The following ZBTB1 variants were observed in gnomAD, a reference collection of about 807,000 sequenced individuals.
ZBTB1 encodes zinc finger and BTB domain-containing protein 1.
In ZBTB1, 13 loss-of-function variants were observed where a neutral mutation model predicts 51.6. The ratio of observed to expected loss-of-function variants is 0.25; its 90% confidence interval spans 0.16 to 0.40. ZBTB1 has a LOEUF of 0.40. ZBTB1 is among the 10% of genes least tolerant of loss of function. The pLI is 1.00. For synonymous variants in ZBTB1, 240 were observed against 282.2 expected, an observed-to-expected ratio of 0.85 and a Z score of 1.50; for missense variants, 567 against 856.5, an observed-to-expected ratio of 0.66 and a Z score of 4.22.
Position 64,524,675 on chromosome 14 carries a change from C to CA in ZBTB1, c.*1036dup. On this transcript the variant is annotated 3_prime_UTR_variant, in exon 2 of 2. Coordinates refer to ENST00000683701, the MANE Select transcript of ZBTB1 (RefSeq NM_001123329.2). ...GGTTGTTCTATAAAAGTAGAGTGCA[C>CA]AAAAAAATGTCTTGTGTTTTATACT... is the stretch of plus-strand genomic sequence containing the variant. 3 of 984,644 alleles carry CA rather than the reference C, an allele frequency of 3.0e-6. No individual in the cohort carries two copies. Among genetic ancestry groups the CA allele is most frequent in the Non-Finnish European group, 3.6e-6 (3 of 829,516 alleles). The allele number at this position is 984,644 out of a possible 1,614,324, so 61.0% of individuals were successfully genotyped here.
At chr14:64,533,228 A>C (rs1476084910) in exon 3 of ZBTB1, 1 of 152,148 alleles carries the variant, frequency 6.6e-6, no homozygotes, top group African/African-American at 2.4e-5. Context: ...AAACCCACTG[A>C]AGGGTTCAAA....
chr14:64,515,681 C>T (rs571972196), intron 1 of ZBTB1, among the ~76,000 whole-genome samples: 121 of 152,160 alleles, frequency 8.0e-4, no homozygotes, highest in African/African-American at 2.8e-3. Flanking sequence ...CCACCACGCC[C>T]GGCTAATTTT....
At chr14:64,504,723 C>T (rs1361217604), upstream of ZBTB1, 3 of 372,916 alleles carry the variant, frequency 8.0e-6, no homozygotes, top group Non-Finnish European at 1.4e-5. Context: ...GCGGGGCCGG[C>T]TCAGTGCGGT....
chr14:64,523,164 T>A lies in ZBTB1; in HGVS notation c.1660T>A (p.Ser554Thr). The change falls in exon 2 of 2, where the codon TCT becomes ACT. Residue 554 changes from serine (S) to threonine (T), a missense_variant. Coordinates refer to ENST00000683701, the MANE Select transcript of ZBTB1 (RefSeq NM_001123329.2). The surrounding 1 kb of genome is among the most constrained non-coding windows in gnomAD (Gnocchi z 4.5). ...ETENLVVEHM[S>T]SCLDQDMFKS... is the part of the protein sequence containing the mutation. ...TGAAAATCTAGTGGTTGAACATATG[T>A]CTAGCTGCTTAGATCAAGATATGTT... 1 of 1,614,204 alleles carries A rather than the reference T, an allele frequency of 6.2e-7. No homozygotes were observed.
intron 1 of ZBTB1, among the ~76,000 whole-genome samples, chr14:64,508,492 T>G (rs560568509): frequency 6.6e-6 from 1 of 152,178 alleles, no homozygotes; most frequent in African/African-American, 2.4e-5. Context: ...CTAGGAGGCT[T>G]AGAATGTTCC....
At chr14:64,515,205 A>G (rs999387007) in intron 1 of ZBTB1, among the ~76,000 whole-genome samples, 1 of 152,176 alleles carries the variant, frequency 6.6e-6, no homozygotes, top group African/African-American at 2.4e-5. Context: ...TCCAAATGAC[A>G]TTAAGTCCTT....
chr14:64,529,338 A>G (rs181721258), downstream of ZBTB1, among the ~76,000 whole-genome samples: 13 of 152,228 alleles, frequency 8.5e-5, no homozygotes, highest in Admixed American at 8.5e-4. Flanking sequence ...TCTCCCGCCA[A>G]TCTCCATTTC....
intron 1 of ZBTB1, among the ~76,000 whole-genome samples, chr14:64,512,341 T>C (rs554299210): frequency 5.4e-4 from 83 of 152,360 alleles, no homozygotes; most frequent in Non-Finnish European, 1.1e-3. Context: ...GTGTCAACTA[T>C]GTGGGAAGAG....
chr14:64,515,960 C>T (rs1417610173), intron 1 of ZBTB1, among the ~76,000 whole-genome samples: 1 of 152,132 alleles, frequency 6.6e-6, no homozygotes, highest in Non-Finnish European at 1.5e-5. Context: ...GGGCTAGGCA[C>T]AGTGGTTTAT....
At position 64,522,918 on chromosome 14, in the gene ZBTB1, G is replaced by A. The variant is rs1438266324; in HGVS notation, c.1414G>A (p.Glu472Lys). 5 of 1,614,168 alleles carry A rather than the reference G, an allele frequency of 3.1e-6. No homozygotes were observed. Among genetic ancestry groups the A allele is most frequent in the Non-Finnish European group, 4.2e-6 (5 of 1,180,026 alleles). Residue 472 changes from glutamate (E) to lysine (K), a missense_variant, in exon 2 of 2, where the codon GAG (glutamate) becomes AAG (lysine). Physicochemically the swap from Glu to Lys is moderately conservative, Grantham distance 56. This residue lies in a region of ZBTB1 where 329 missense variants were observed against 406.3 expected (regional missense o/e 0.81). Transcript: ENST00000683701. ...QLQEHAQRCGEPQDLTMNGLG... is the reference protein window; with the variant it reads ...QLQEHAQRCGKPQDLTMNGLG... Reference sequence around the variant, plus strand: ...TCAGGAACATGCTCAACGATGTGGCGAGCCCCAAGATCTGACCATGAATGG... The same window carrying A: ...TCAGGAACATGCTCAACGATGTGGCAAGCCCCAAGATCTGACCATGAATGG...
chr14:64,525,847 G>A (rs958651734), downstream of ZBTB1, among the ~76,000 whole-genome samples: 3 of 151,958 alleles, frequency 2.0e-5, no homozygotes, highest in Non-Finnish European at 2.9e-5. Context: ...TTTTGAGACG[G>A]AGTCTTACTC....
At chr14:64,504,669 G>A, upstream of ZBTB1, 1 of 353,426 alleles carries the variant, frequency 2.8e-6, no homozygotes, top group Non-Finnish European at 5.1e-6. Flanking sequence ...AAGGCTGGCG[G>A]ACGCCGCAGC....
At chr14:64,515,328 CA>C (rs2079769104) in intron 1 of ZBTB1, among the ~76,000 whole-genome samples, 1 of 152,130 alleles carries the variant, frequency 6.6e-6, no homozygotes, top group Non-Finnish European at 1.5e-5. Flanking sequence ...TCACAGATTT[CA>C]GTCGTAAAAA....
chr14:64,523,083 T>G lies in ZBTB1; in HGVS notation c.1579T>G (p.Phe527Val). 1.2e-6 allele frequency: 2 copies of G among 1,614,218 alleles called. No homozygotes were observed. The highest frequency in any genetic ancestry group is 1.7e-6 in the Non-Finnish European group (2 of 1,180,024). The change falls in exon 2 of 2, where the codon TTT becomes GTT. Residue 527 changes from phenylalanine (F) to valine (V), a missense_variant. Transcript: ENST00000683701. This position sits in a 1 kb window ranked among gnomAD's most constrained non-coding sequence, Gnocchi z 4.5. ...QINSIQKKQL[F>V]KHSACPFRCP... ...AAACAGTATCCAAAAAAAGCAGTTATTTAAACATTCTGCCTGCCCTTTTCG... is the reference window on the plus strand; with the variant it reads ...AAACAGTATCCAAAAAAAGCAGTTAGTTAAACATTCTGCCTGCCCTTTTCG...
intron 1 of ZBTB1, among the ~76,000 whole-genome samples, chr14:64,520,054 T>G (rs555081497): frequency 6.6e-6 from 1 of 152,214 alleles, no homozygotes; most frequent in Admixed American, 6.5e-5. Flanking sequence ...CAGGCTGGAG[T>G]GCAGTGGTGC....
chr14:64,510,259 T>C (rs1396864400), intron 1 of ZBTB1, among the ~76,000 whole-genome samples: 3 of 152,232 alleles, frequency 2.0e-5, no homozygotes, highest in Non-Finnish European at 4.4e-5. Flanking sequence ...CCATCCCTTC[T>C]TAGAGAATTG....
At position 64,523,217 on chromosome 14, in the gene ZBTB1, AAG is replaced by A; in HGVS notation, c.1717_1718del (p.Asp573SerfsTer8). 6.2e-7 allele frequency: 1 copy of A among 1,614,196 alleles called. No individual in the cohort carries two copies. The highest frequency in any genetic ancestry group is 8.5e-7 in the Non-Finnish European group (1 of 1,180,024). ...AGAGTGCCATCATGGAAGAAAATGA[AAG>A]AGATCACAGACGAAAGCATTTTTGT... ...FKSAIMEENE[R>X]DHRRKHFCNL... On this transcript the variant is annotated frameshift_variant, in exon 2 of 2. Transcript: ENST00000683701. LOFTEE classifies it high-confidence loss of function. This position sits in a 1 kb window ranked among gnomAD's most constrained non-coding sequence, Gnocchi z 4.5.
At chr14:64,526,928 C>T (rs2079907942), downstream of ZBTB1, among the ~76,000 whole-genome samples, 1 of 151,642 alleles carries the variant, frequency 6.6e-6, no homozygotes, top group African/African-American at 2.4e-5. Context: ...AGCTGTAGTC[C>T]CCAGCTACTC....
chr14:64,524,777 A>G lies in ZBTB1; in HGVS notation c.*1131A>G. 1.0e-6 allele frequency: 1 copy of G among 981,830 alleles called. No individual in the cohort carries two copies. The highest frequency in any genetic ancestry group is 1.2e-6 in the Non-Finnish European group (1 of 826,642). The allele number at this position is 981,830 out of a possible 1,614,324, so 60.8% of individuals were successfully genotyped here. On this transcript the variant is annotated 3_prime_UTR_variant, in exon 2 of 2. Coordinates refer to ENST00000683701, the MANE Select transcript of ZBTB1 (RefSeq NM_001123329.2). ...TTATCATTTTTTTCTGTAAAAGACT[A>G]TAAAACTTGAGGATTATAAAATAAT...
Sources: gnomAD v4.1 joint callset for allele counts (sites outside exome capture counted in the v4.1 genomes callset) on GRCh38, gnomAD v4.1.1 for gene constraint, gnomAD v4.1.1 regional missense constraint, Gnocchi (gnomAD v3.1) non-coding constraint, MANE v1.5 for transcripts, NCBI Gene and HGNC (gene_info 2026-07-23, HGNC 2026-07-21) for gene names.